Variants in EMC3 observed in about 807,000 individuals in gnomAD.
EMC3 encodes 30 kDa protein.
A neutral mutation model predicts 36.6 loss-of-function variants in EMC3; 13 were observed. The ratio of observed to expected loss-of-function variants is 0.35; its 90% CI spans 0.23 to 0.56. The LOEUF (loss-of-function observed/expected upper bound fraction) is 0.56, where lower values mean the gene tolerates loss of function less well. Among genes scored for constraint, EMC3 ranks in the 20% least tolerant of loss-of-function variants. EMC3 has a pLI of 0.84. For missense variants in EMC3, 220 were observed against 324.5 expected, an observed-to-expected ratio of 0.68 and a Z score of 2.47; for synonymous variants, 120 against 111.9, an observed-to-expected ratio of 1.07 and a Z score of -0.46.
upstream of EMC3, among the ~76,000 whole-genome samples, chr3:9,990,899 G>C (rs909402659): frequency 6.6e-6 from 1 of 151,896 alleles, no homozygotes; most frequent in Non-Finnish European, 1.5e-5. Context: ...CACGATCTCG[G>C]CTCACTGCAA....
At chr3:9,986,271 G>A (rs2085971112) in intron 1 of EMC3, among the ~76,000 whole-genome samples, 1 of 152,140 alleles carries the variant, frequency 6.6e-6, no homozygotes, top group South Asian at 2.1e-4. Flanking sequence ...ATACGTCCTA[G>A]ATCCTGTGCT....
At chr3:9,969,928 A>C in intron 6 of EMC3, 127 bp from the exon 7 acceptor site, 1 of 1,437,968 alleles carries the variant, frequency 7.0e-7, no homozygotes, top group Non-Finnish European at 9.2e-7. Flanking sequence ...CCTGTCACCC[A>C]CTGGCTATGT....
chr3:9,969,364 C>A, intron 7 of EMC3: 3 of 1,130,412 alleles, frequency 2.7e-6, no homozygotes, highest in East Asian at 7.5e-5. Flanking sequence ...TGTGAAAAGG[C>A]TCTTAGTATT....
chr3:9,982,815 T>C (rs2085925917), intron 1 of EMC3, among the ~76,000 whole-genome samples: 2 of 151,180 alleles, frequency 1.3e-5, no homozygotes, highest in South Asian at 2.1e-4. Context: ...GAGCCTGAGA[T>C]GTTGAGGCTG....
intron 1 of EMC3, among the ~76,000 whole-genome samples, chr3:9,980,878 G>C (rs1000078926): frequency 6.6e-6 from 1 of 152,146 alleles, no homozygotes; most frequent in Non-Finnish European, 1.5e-5. Flanking sequence ...CAGAGTGCAA[G>C]GCACATGATA....
chr3:9,966,700 G>T (rs2085739729), intron 7 of EMC3, among the ~76,000 whole-genome samples: 1 of 151,918 alleles, frequency 6.6e-6, no homozygotes, highest in Non-Finnish European at 1.5e-5. Flanking sequence ...TCAGCCTCCT[G>T]AGTAGCTGGG....
chr3:9,988,563 A>C, upstream of EMC3: 1 of 878,276 alleles, frequency 1.1e-6, no homozygotes, highest in Non-Finnish European at 1.9e-6. Context: ...TGAAATAAAA[A>C]TCTCAAAACT....
rs143251769 is a variant in EMC3 at position 9,998,966 on chromosome 3, C to T, written c.-242+12057G>A. On this transcript the variant is annotated intron_variant, in intron 1 of 8. Transcript: ENST00000470827. Reference sequence around the variant, plus strand: ...AGACATAAGGTTTCGTCATGTTACCCAGACTGGTCTCGAACTTTTGAGCTT... The same window carrying T: ...AGACATAAGGTTTCGTCATGTTACCTAGACTGGTCTCGAACTTTTGAGCTT... Among the ~76,000 whole-genome samples, 33 of 152,272 alleles carry T rather than the reference C, an allele frequency of 2.2e-4. No homozygotes were observed. In the East Asian group the frequency reaches 6.0e-3, roughly 28 times the overall value.
chr3:9,973,575 T>C (rs749668703), intron 5 of EMC3, 53 bp downstream of exon 5: 3 of 1,528,096 alleles, frequency 2.0e-6, no homozygotes, highest in Non-Finnish European at 9.1e-7. Flanking sequence ...TCCTCCCGCC[T>C]TGGCTTCCCA....
intron 1 of EMC3, 94 bp downstream of exon 1, chr3:9,986,413 G>T: frequency 6.9e-7 from 1 of 1,449,486 alleles, no homozygotes; most frequent in Non-Finnish European, 9.5e-7. Flanking sequence ...CAGAGGGGGC[G>T]CGACGTGAAC....
chr3:9,993,098 T>G (rs1419977072), intron 1 of EMC3: 1 of 765,698 alleles, frequency 1.3e-6, no homozygotes, highest in Non-Finnish European at 2.3e-6. Flanking sequence ...CAGTCCATTG[T>G]TCAAACCCAT....
At chr3:10,007,234 G>A (rs1249179064) in intron 1 of EMC3, 1 of 1,079,540 alleles carries the variant, frequency 9.3e-7, no homozygotes, top group Admixed American at 3.7e-5. Flanking sequence ...CTCTGAGCAG[G>A]TGCAGGGTAG....
chr3:9,967,309 AT>A (rs1316320074), intron 7 of EMC3, among the ~76,000 whole-genome samples: 1 of 139,356 alleles, frequency 7.2e-6, no homozygotes, highest in Non-Finnish European at 1.5e-5. Flanking sequence ...GCACCACCAC[AT>A]TTGGCTAATT....
chr3:9,976,712 C>T (rs1402048133), intron 3 of EMC3, among the ~76,000 whole-genome samples: 9 of 152,104 alleles, frequency 5.9e-5, no homozygotes, highest in Admixed American at 5.9e-4. Flanking sequence ...TCTGGCCTCC[C>T]CACTCCATCA....
At chr3:9,977,472 G>C in intron 1 of EMC3, 26 bp from the exon 2 acceptor site, 1 of 1,603,384 alleles carries the variant, frequency 6.2e-7, no homozygotes, top group Non-Finnish European at 8.5e-7. Flanking sequence ...AACACAATGA[G>C]ATTTTAAAAA....
At chr3:9,988,363 T>C, upstream of EMC3, 1 of 1,103,664 alleles carries the variant, frequency 9.1e-7, no homozygotes, top group Non-Finnish European at 1.4e-6. Context: ...TCCTCTCTGC[T>C]ACTTGTAATT....
intron 7 of EMC3, among the ~76,000 whole-genome samples, chr3:9,966,861 A>T (rs1013031250): frequency 2.0e-5 from 3 of 152,222 alleles, no homozygotes; most frequent in Admixed American, 6.5e-5. Flanking sequence ...GGTGTAAGCC[A>T]CTGCGCCCAG....
chr3:9,974,857 GT>G (rs71307728), intron 3 of EMC3, among the ~76,000 whole-genome samples: 93 of 63,426 alleles, frequency 1.5e-3, no homozygotes, highest in Non-Finnish European at 2.1e-3. Flanking sequence ...CGCACCCAGC[GT>G]TTTTTTTTTT....
Position 9,986,713 on chromosome 3 carries a change from G to A in EMC3, c.-52C>T. The A allele has an allele frequency of 6.2e-7, 1 of 1,603,590 alleles. No homozygotes were observed. The highest frequency in any genetic ancestry group is 8.5e-7 in the Non-Finnish European group (1 of 1,174,058). ...GGAATGGGCGAGCTTCTCTTCTCCGGGGCACAGTTGCTTCTCTTCGGCTTC... is the reference window on the plus strand; with the variant it reads ...GGAATGGGCGAGCTTCTCTTCTCCGAGGCACAGTTGCTTCTCTTCGGCTTC... On this transcript the variant is annotated 5_prime_UTR_variant, in exon 1 of 8. Coordinates refer to ENST00000245046, the MANE Select transcript of EMC3 (RefSeq NM_001394674.1).
Sources: gnomAD v4.1 joint callset for allele counts (sites outside exome capture counted in the v4.1 genomes callset) on GRCh38, gnomAD v4.1.1 for gene constraint, MANE v1.5 for transcripts, NCBI Gene and HGNC (gene_info 2026-07-23, HGNC 2026-07-21) for gene names.